The following FAM149A variants were observed in gnomAD, a reference collection of about 807,000 sequenced individuals.
FAM149A encodes the protein protein FAM149A.
A neutral mutation model predicts 78.2 loss-of-function variants in FAM149A; 71 were observed. The ratio of observed to expected loss-of-function variants is 0.91; its 90% CI spans 0.75 to 1.11. FAM149A has a LOEUF of 1.11. FAM149A is among the 50% of genes least tolerant of loss of function. The probability of loss-of-function intolerance (pLI) is 0.00; values close to 1 mark genes in which losing one functional copy is unlikely to be tolerated. For synonymous variants in FAM149A, 446 were observed against 410.5 expected (o/e 1.09, Z -1.04); for missense variants, 1,036 against 971.0 (o/e 1.07, Z -0.89).
chr4:186,153,245 T>C (rs1733754000), intron 4 of FAM149A: 17 of 978,476 alleles, frequency 1.7e-5, no homozygotes, highest in Middle Eastern at 5.2e-4. Flanking sequence ...TGCATATTTA[T>C]ATATTTGTAT....
chr4:186,119,407 T>C (rs1624518), intron 1 of FAM149A, among the ~76,000 whole-genome samples: 151,532 of 152,334 alleles, frequency 0.99, 75,375 homozygotes, highest in East Asian at 1. Context: ...TCATGATTAA[T>C]GATTATGGAA....
intron 1 of FAM149A, among the ~76,000 whole-genome samples, chr4:186,142,879 A>G (rs1038947780): frequency 6.6e-6 from 1 of 152,168 alleles, no homozygotes; most frequent in South Asian, 2.1e-4. Context: ...GCATAACAAC[A>G]TGACTGTTGA....
At chr4:186,169,551 A>G in intron 13 of FAM149A, 1 of 985,352 alleles carries the variant, frequency 1.0e-6, no homozygotes, top group Non-Finnish European at 1.2e-6. Context: ...TCAGCCCACC[A>G]CGCTGCTCAC....
intron 1 of FAM149A, among the ~76,000 whole-genome samples, chr4:186,139,108 GGTT>G (rs1406923276): frequency 6.6e-6 from 1 of 152,178 alleles, no homozygotes; most frequent in Non-Finnish European, 1.5e-5. Context: ...TTGTTACTCA[GGTT>G]GTTCTAGCTT....
intron 1 of FAM149A, among the ~76,000 whole-genome samples, chr4:186,142,354 T>C (rs1425305221): frequency 1.3e-5 from 2 of 152,130 alleles, no homozygotes; most frequent in Non-Finnish European, 2.9e-5. Flanking sequence ...AGAAGCCTCA[T>C]CTGTACGCGG....
chr4:186,171,998 C>T lies in FAM149A; in HGVS notation c.*11C>T, dbSNP rs1191037845. On this transcript the variant is annotated 3_prime_UTR_variant, in exon 14 of 14. Coordinates refer to ENST00000389354, the MANE Select transcript of FAM149A (RefSeq NM_001367768.3). ...CAAGTGACATCTTGAAACCACCTCA[C>T]CAGAACCATTGGAGCACCTGTGGCC... The T allele has an allele frequency of 1.2e-6, 2 of 1,609,488 alleles. No individual in the cohort carries two copies. The highest frequency in any genetic ancestry group is 8.5e-7 in the Non-Finnish European group (1 of 1,177,992).
intron 1 of FAM149A, among the ~76,000 whole-genome samples, chr4:186,117,186 C>T (rs1706141): frequency 0.89 from 134,759 of 152,144 alleles, 59,727 homozygotes; most frequent in East Asian, 0.99. Flanking sequence ...ATGATATTCA[C>T]TATTCTAAAG....
chr4:186,109,264 A>T (rs562356516), intron 1 of FAM149A: 2 of 893,616 alleles, frequency 2.2e-6, no homozygotes, highest in African/African-American at 3.6e-5. Context: ...GTCAGGAAGT[A>T]TTTATAGCTT....
chr4:186,160,678 A>C, intron 8 of FAM149A: 2 of 463,004 alleles, frequency 4.3e-6, no homozygotes, highest in Non-Finnish European at 5.6e-6. Context: ...ACATACACAC[A>C]CACCTTCACA....
rs1735125532 is a variant in FAM149A at position 186,167,260 on chromosome 4, C to T, written c.2216C>T (p.Thr739Ile). 3 of 1,612,192 alleles carry T rather than the reference C, an allele frequency of 1.9e-6. No individual in the cohort carries two copies. Among genetic ancestry groups the T allele is most frequent in the Admixed American group, 1.7e-5 (1 of 59,994 alleles). ...ACATGGACAGGTCAAAGTATTTTGA[C>T]AGGTCAGCTTTTCTCCATATGTAAA... Residue 739 changes from threonine to isoleucine, a missense_variant and splice_region_variant, in exon 13 of 14, where the codon ACA (threonine) becomes ATA (isoleucine). Around this residue, in one of 3 missense-constraint regions of FAM149A, gnomAD observed 716 missense variants for 711.8 expected, o/e 1.01. Coordinates refer to ENST00000389354, the MANE Select transcript of FAM149A (RefSeq NM_001367768.3).
chr4:186,163,623 G>T lies in FAM149A; in HGVS notation c.1879G>T (p.Gly627Ter). The change falls in exon 10 of 14, where the codon GGA becomes TGA. Residue 627 changes from glycine (G) to a stop codon, truncating the protein, a stop_gained. Coordinates refer to ENST00000389354, the MANE Select transcript of FAM149A (RefSeq NM_001367768.3). LOFTEE classifies it high-confidence loss of function. ...CATCTATAGTGACGAAGTTCTTCGGGGAACAAAACTGTGAGTCTCATTTCT... is the reference window on the plus strand; with the variant it reads ...CATCTATAGTGACGAAGTTCTTCGGTGAACAAAACTGTGAGTCTCATTTCT... The T allele has an allele frequency of 6.2e-7, 1 of 1,613,160 alleles. No individual in the cohort carries two copies. The highest frequency in any genetic ancestry group is 8.5e-7 in the Non-Finnish European group (1 of 1,179,324).
At chr4:186,111,215 G>A (rs1222099342) in intron 1 of FAM149A, among the ~76,000 whole-genome samples, 2 of 151,104 alleles carry the variant, frequency 1.3e-5, no homozygotes, top group South Asian at 2.1e-4. Context: ...GTCTGTTCAT[G>A]TCCTTCACCC....
chr4:186,145,043 C>T, intron 1 of FAM149A: 1 of 982,266 alleles, frequency 1.0e-6, no homozygotes, highest in East Asian at 1.2e-4. Flanking sequence ...CTCTGCCTGA[C>T]GGTGCCCGAG....
At chr4:186,131,283 G>A (rs1160888782) in intron 1 of FAM149A, among the ~76,000 whole-genome samples, 3 of 152,120 alleles carry the variant, frequency 2.0e-5, no homozygotes, top group Non-Finnish European at 4.4e-5. Flanking sequence ...ATGAGGCAGA[G>A]GTTGCAGTGA....
chr4:186,123,430 C>G, intron 1 of FAM149A: 1 of 933,310 alleles, frequency 1.1e-6, no homozygotes, highest in Non-Finnish European at 1.3e-6. Context: ...CCTGTATGTT[C>G]TTGCTGGATA....
chr4:186,117,739 G>GGA, intron 1 of FAM149A: 1 of 893,120 alleles, frequency 1.1e-6, no homozygotes, highest in Non-Finnish European at 1.3e-6. Context: ...AGAAGTGGCA[G>GGA]GAGCAGGCTG....
At chr4:186,158,159 A>G in intron 8 of FAM149A, 1 of 1,283,844 alleles carries the variant, frequency 7.8e-7, no homozygotes, top group Non-Finnish European at 1.0e-6. Flanking sequence ...GGCTGTGCTG[A>G]AGCTCACTGC....
intron 2 of FAM149A, 112 bp from the exon 3 acceptor site, chr4:186,149,454 A>G: frequency 8.8e-7 from 1 of 1,141,276 alleles, no homozygotes; most frequent in Non-Finnish European, 1.1e-6. Context: ...CTGTGAAATT[A>G]ATAAATATAT....
Position 186,141,836 on chromosome 4 carries a change from C to T in FAM149A, c.567-7337C>T, listed in dbSNP as rs76448359. The stretch of plus-strand genomic sequence containing the variant: ...AAAAAATCATAAGAGAATTGGCCCC[C>T]GGCAGTCTCAAAGGTGGACCAAGGG... On this transcript the variant is annotated intron_variant, in intron 1 of 13. Coordinates refer to ENST00000389354, the MANE Select transcript of FAM149A (RefSeq NM_001367768.3). Among the ~76,000 whole-genome samples the T allele has an allele frequency of 3.4e-3, 517 of 152,256 alleles. 3 individuals are homozygous for T. Among genetic ancestry groups the T allele is most frequent in the African/African-American group, 0.012 (491 of 41,540 alleles).
Sources: allele counts gnomAD v4.1 joint callset (sites outside exome capture counted in the v4.1 genomes callset), GRCh38; gene constraint gnomAD v4.1.1; regional missense constraint gnomAD v4.1.1; transcripts MANE v1.5; gene names NCBI Gene and HGNC (gene_info 2026-07-23, HGNC 2026-07-21).